The following SPARCL1 variants were observed in gnomAD, a reference collection of about 807,000 sequenced individuals.
SPARCL1 encodes the protein SPARC-like protein 1.
In SPARCL1, 52 loss-of-function variants were observed where a neutral mutation model predicts 67.1. That is an observed-to-expected ratio of 0.78 (90% CI 0.62 to 0.98). The LOEUF (loss-of-function observed/expected upper bound fraction) is 0.98. SPARCL1 is among the 50% of genes least tolerant of loss of function. SPARCL1 has a pLI of 0.00. For synonymous variants in SPARCL1, 226 were observed against 267.8 expected (o/e 0.84, Z 1.52); for missense variants, 717 against 782.4 (o/e 0.92, Z 1.00).
intron 1 of SPARCL1, among the ~76,000 whole-genome samples, chr4:87,502,116 T>TA (rs962725349): frequency 7.2e-5 from 11 of 151,952 alleles, no homozygotes; most frequent in African/African-American, 2.7e-4. Flanking sequence ...TTTTATTGAT[T>TA]AAAAAAAATT....
chr4:87,489,398 G>T (rs1724214621), intron 7 of SPARCL1, among the ~76,000 whole-genome samples: 1 of 152,114 alleles, frequency 6.6e-6, no homozygotes, highest in South Asian at 2.1e-4. Context: ...CCCTACTTTG[G>T]CTCCCCCTCT....
intron 2 of SPARCL1, chr4:87,497,232 C>T: frequency 4.1e-6 from 4 of 984,988 alleles, no homozygotes; most frequent in Non-Finnish European, 4.8e-6. Context: ...TTCTTATCTC[C>T]TTTTCACCTA....
chr4:87,504,490 C>T (rs770061570), intron 1 of SPARCL1, among the ~76,000 whole-genome samples: 37 of 151,964 alleles, frequency 2.4e-4, no homozygotes, highest in Non-Finnish European at 4.7e-4. Flanking sequence ...TGGGATATTA[C>T]CTTATTTGAT....
At chr4:87,482,358 C>T (rs886438583) in intron 8 of SPARCL1, 66 bp downstream of exon 8, 5 of 1,554,020 alleles carry the variant, frequency 3.2e-6, no homozygotes, top group South Asian at 1.1e-5. Flanking sequence ...GTAGCCCCCC[C>T]ACCACGTCTT....
At chr4:87,527,891 T>C (rs1382638010) in intron 1 of SPARCL1, among the ~76,000 whole-genome samples, 47 of 151,878 alleles carry the variant, frequency 3.1e-4, no homozygotes. Context: ...TAGTTAACAA[T>C]AGTCACAACC....
At chr4:87,524,520 C>T (rs559083496) in intron 1 of SPARCL1, among the ~76,000 whole-genome samples, 53 of 152,224 alleles carry the variant, frequency 3.5e-4, no homozygotes, top group Non-Finnish European at 6.6e-4. Context: ...AGAATGGAAA[C>T]TCACCAGATC....
chr4:87,492,461 C>T (rs1464290392), intron 4 of SPARCL1, among the ~76,000 whole-genome samples: 2 of 151,596 alleles, frequency 1.3e-5, no homozygotes, highest in Non-Finnish European at 2.9e-5. Context: ...TCAGTCACAA[C>T]TGTGGAGGTA....
intron 1 of SPARCL1, among the ~76,000 whole-genome samples, chr4:87,526,981 C>G (rs1017131100): frequency 6.6e-6 from 1 of 152,164 alleles, no homozygotes; most frequent in Non-Finnish European, 1.5e-5. Flanking sequence ...AGTCACAGAG[C>G]TATTTTGTGG....
Position 87,482,419 on chromosome 4 carries a change from C to G in SPARCL1, c.1668+5G>C, listed in dbSNP as rs1354634952. On this transcript the variant is annotated splice_donor_5th_base_variant and intron_variant, in intron 8 of 10. Transcript: ENST00000282470. ...ATTGAAGAAGCTAACCTGTGGATAA[C>G]TTACTTTATTTCTCTGCTTCTCATT... 2.5e-6 allele frequency: 4 copies of G among 1,612,730 alleles called. No individual in the cohort carries two copies. Among genetic ancestry groups the G allele is most frequent in the Non-Finnish European group, 3.4e-6 (4 of 1,179,794 alleles).
At chr4:87,506,799 AT>A (rs1725099973) in intron 1 of SPARCL1, among the ~76,000 whole-genome samples, 6 of 148,632 alleles carry the variant, frequency 4.0e-5, no homozygotes, top group African/African-American at 1.3e-4. Flanking sequence ...CTATCTATCT[AT>A]CTATCTATCT....
chr4:87,490,417 A>G (rs554002977), intron 6 of SPARCL1, 24 bp from the exon 7 acceptor site: 1 of 1,591,924 alleles, frequency 6.3e-7, no homozygotes, highest in Admixed American at 1.8e-5. Flanking sequence ...GTAGAAGAAA[A>G]AGCTGATAGA....
intron 1 of SPARCL1, among the ~76,000 whole-genome samples, chr4:87,522,438 A>G (rs55886259): frequency 0.39 from 58,342 of 150,492 alleles, 12,986 homozygotes; most frequent in East Asian, 0.59. Flanking sequence ...GAATCAAGCA[A>G]AGGGCACATA....
chr4:87,493,680 C>T lies in SPARCL1; in HGVS notation c.1120G>A (p.Ala374Thr), dbSNP rs777495104. 6.2e-7 allele frequency: 1 copy of T among 1,614,106 alleles called. No homozygotes were observed. The highest frequency in any genetic ancestry group is 8.5e-7 in the Non-Finnish European group (1 of 1,180,022). Residue 374 changes from alanine to threonine, a missense_variant, in exon 4 of 11, where the codon GCT becomes ACT. Ala to Thr is a moderately conservative substitution (Grantham distance 58, BLOSUM62 0). Coordinates refer to ENST00000282470, the MANE Select transcript of SPARCL1 (RefSeq NM_004684.6). ...PSQAFLEAERAQSIAYHLKIE... is the reference protein window; with the variant it reads ...PSQAFLEAERTQSIAYHLKIE... ...TTGAGGTGATAGGCAATGGATTGAG[C>T]TCTCTCGGCCTCCAGAAAGGCCTGG...
chr4:87,474,737 C>G (rs1252518129), intron 10 of SPARCL1, among the ~76,000 whole-genome samples: 1 of 74,778 alleles, frequency 1.3e-5, no homozygotes, highest in Admixed American at 1.8e-4. Flanking sequence ...AGATTTCTCT[C>G]TCTCTCTTTT....
In SPARCL1 at chr4:87,491,746, AT is replaced by A. The variant is rs1348231441; in HGVS notation, c.1219-57del. ...CTACTAAGAGGAGAGCCATTACTTA[AT>A]TTATATTTCCACTGTGCATACTTTC... is the stretch of plus-strand genomic sequence containing the variant. On this transcript the variant is annotated intron_variant, in intron 4 of 10. Coordinates refer to ENST00000282470, the MANE Select transcript of SPARCL1 (RefSeq NM_004684.6). 6 of 1,200,802 alleles carry A rather than the reference AT, an allele frequency of 5.0e-6. No homozygotes were observed. In the African/African-American group the frequency reaches 9.1e-5, roughly 18 times the overall value. 74.4% of individuals were successfully genotyped at this position (1,200,802 alleles called of 1,614,324 possible).
intron 8 of SPARCL1, 81 bp downstream of exon 8, chr4:87,482,343 G>A (rs1282777719): frequency 2.7e-6 from 4 of 1,484,080 alleles, no homozygotes; most frequent in Non-Finnish European, 3.7e-6. Flanking sequence ...AGTATGCAGA[G>A]GTAGGTAGCC....
At chr4:87,521,535 C>G (rs186971098) in intron 1 of SPARCL1, among the ~76,000 whole-genome samples, 21 of 152,246 alleles carry the variant, frequency 1.4e-4, no homozygotes, top group Admixed American at 1.4e-3. Flanking sequence ...GTTTCTGAAC[C>G]CTCCAGTCTG....
chr4:87,508,366 AT>A (rs199711570), intron 1 of SPARCL1, among the ~76,000 whole-genome samples: 29 of 146,758 alleles, frequency 2.0e-4, no homozygotes, highest in Admixed American at 3.4e-4. Flanking sequence ...TGGGTAATTA[AT>A]TTTTTTTTTT....
rs1019419967 is a variant in SPARCL1, at chr4:87,490,209, G to T, written c.1531+64C>A. 78 of 1,493,716 alleles carry T rather than the reference G, an allele frequency of 5.2e-5. 1 individual carries two copies. The Admixed American group carries it at 1.7e-3, about 32-fold the overall frequency. The allele number at this position is 1,493,716 out of a possible 1,614,324, so 92.5% of individuals were successfully genotyped here. ...CCCTGTTTGCATATAGATAATTCAG[G>T]CATGTCCAGATTCACCCCAAGCCCT... On this transcript the variant is annotated intron_variant, in intron 7 of 10. Coordinates refer to ENST00000282470, the MANE Select transcript of SPARCL1 (RefSeq NM_004684.6).
Sources: allele counts gnomAD v4.1 joint callset (sites outside exome capture counted in the v4.1 genomes callset), GRCh38; gene constraint gnomAD v4.1.1; transcripts MANE v1.5; gene names NCBI Gene and HGNC (gene_info 2026-07-23, HGNC 2026-07-21).